The following CTU2 variants were observed in gnomAD, a reference collection of about 807,000 sequenced individuals.
The protein encoded by CTU2 is cytoplasmic tRNA 2-thiolation protein 2.
In CTU2, 80 loss-of-function variants were observed where a neutral mutation model predicts 64.1. The observed-to-expected ratio is 1.25, with a 90% CI of 1.04 to 1.50. CTU2 has a LOEUF of 1.50. Ranked by LOEUF, CTU2 falls within the 40% of genes most tolerant of loss-of-function variation. CTU2 has a pLI of 0.00. For missense variants in CTU2, 1,110 were observed against 690.2 expected, an observed-to-expected ratio of 1.61 and a Z score of -6.81; for synonymous variants, 482 against 285.3, an observed-to-expected ratio of 1.69 and a Z score of -6.95.
intron 1 of CTU2, chr16:88,706,823 C>T (rs1351382834): frequency 7.5e-6 from 4 of 533,810 alleles, no homozygotes; most frequent in African/African-American, 5.8e-5. Flanking sequence ...ACGGCTCTGC[C>T]GCTGACAGTG....
chr16:88,715,113 G>C lies in CTU2; in HGVS notation c.1478+7G>C. 1 of 1,594,086 alleles carries C rather than the reference G, an allele frequency of 6.3e-7. No individual in the cohort carries two copies. The highest frequency in any genetic ancestry group is 8.5e-7 in the Non-Finnish European group (1 of 1,170,318). The stretch of plus-strand genomic sequence containing the variant: ...CCCAGCTCCGCACACAGAGGTACTG[G>C]GGCCCACACTGCCGTGGCGCGTGGG... On this transcript the variant is annotated splice_region_variant and intron_variant, in intron 14 of 14. Transcript: ENST00000453996.
At chr16:88,707,346 G>A in intron 2 of CTU2, 136 bp downstream of exon 2, 2 of 813,870 alleles carry the variant, frequency 2.5e-6, no homozygotes, top group Non-Finnish European at 2.0e-6. Context: ...GGGGTCCCTC[G>A]TGCCCCTGGT....
chr16:88,707,812 G>GTTGTTGT (rs1555549837), intron 2 of CTU2, among the ~76,000 whole-genome samples: 1 of 144,628 alleles, frequency 6.9e-6, no homozygotes, highest in African/African-American at 2.6e-5. Context: ...TGTTGTTGTT[G>GTTGTTGT]TTTTTTTTGA....
chr16:88,714,831 T>C, intron 12 of CTU2, 29 bp from the exon 13 acceptor site: 4 of 1,612,204 alleles, frequency 2.5e-6, no homozygotes, highest in African/African-American at 1.3e-5. Flanking sequence ...GGTGCCAAGG[T>C]GGGCACACAG....
chr16:88,712,564 CTG>C (rs1911418443), intron 6 of CTU2, 56 bp from the exon 7 acceptor site: 2 of 1,574,092 alleles, frequency 1.3e-6, no homozygotes, highest in Non-Finnish European at 1.7e-6. Flanking sequence ...GTGGGGCTGT[CTG>C]TGGGGGGCAC....
In CTU2 at chr16:88,714,579, G is replaced by A. The variant is rs376937218; in HGVS notation, c.1202-8G>A. 16 of 1,612,496 alleles carry A rather than the reference G, an allele frequency of 9.9e-6. No individual in the cohort carries two copies. In the African/African-American group the frequency reaches 1.6e-4, roughly 16 times the overall value. ...CCCCAGGCTCCGTCACCCCCTCTCT[G>A]CTTGCAGACAGTGCCACGGCTTTTG... On this transcript the variant is annotated splice_region_variant and splice_polypyrimidine_tract_variant and intron_variant, in intron 11 of 14. Coordinates refer to ENST00000453996, the MANE Select transcript of CTU2 (RefSeq NM_001012759.3).
chr16:88,713,365 C>G lies in CTU2; in HGVS notation c.791C>G (p.Thr264Ser). Residue 264 changes from threonine to serine, a missense_variant, in exon 8 of 15, where the codon ACT (threonine) becomes AGT (serine). Thr to Ser is a moderately conservative substitution (Grantham distance 58). Transcript: ENST00000453996. ...ARAHGYSKVM[T>S]GDSCTRLAIK... is the part of the protein sequence containing the mutation. ...GCCCACGGCTACTCCAAGGTCATGA[C>G]TGGGGACAGCTGCACACGCTTGGCT... is the stretch of plus-strand genomic sequence containing the variant. 1 of 1,604,848 alleles carries G rather than the reference C, an allele frequency of 6.2e-7. No homozygotes were observed. Among genetic ancestry groups the G allele is most frequent in the Non-Finnish European group, 8.5e-7 (1 of 1,176,822 alleles).
intron 2 of CTU2, among the ~76,000 whole-genome samples, chr16:88,707,441 T>C (rs913482395): frequency 6.6e-6 from 1 of 152,182 alleles, no homozygotes; most frequent in African/African-American, 2.4e-5. Context: ...AGGTTTCTGA[T>C]GGAACTTATG....
intron 9 of CTU2, 41 bp downstream of exon 9, chr16:88,713,819 C>A (rs755434979): frequency 1.2e-6 from 2 of 1,609,624 alleles, no homozygotes; most frequent in Admixed American, 3.3e-5. Flanking sequence ...ACCATTGACA[C>A]CGGGGTGGGC....
At chr16:88,708,609 G>A (rs190936470) in intron 2 of CTU2, among the ~76,000 whole-genome samples, 23 of 152,248 alleles carry the variant, frequency 1.5e-4, no homozygotes, top group Non-Finnish European at 3.2e-4. Context: ...TCCCTCACCT[G>A]GCATCTTGCT....
intron 7 of CTU2, 58 bp downstream of exon 7, chr16:88,712,963 G>C (rs1911474611): frequency 2.1e-6 from 1 of 483,912 alleles, no homozygotes; most frequent in Non-Finnish European, 3.1e-6. Flanking sequence ...GCCCCTGAGA[G>C]CCCCCTTCCC....
At chr16:88,708,416 A>G (rs922847376) in intron 2 of CTU2, among the ~76,000 whole-genome samples, 1 of 151,650 alleles carries the variant, frequency 6.6e-6, no homozygotes, top group African/African-American at 2.4e-5. Context: ...CGCAGCATGT[A>G]CACGTGGACC....
chr16:88,714,712 C>G lies in CTU2; in HGVS notation c.1327C>G (p.Arg443Gly). The G allele has an allele frequency of 1.9e-6, 3 of 1,609,514 alleles. No individual in the cohort carries two copies. The highest frequency in any genetic ancestry group is 3.3e-4 in the Middle Eastern group (2 of 6,052). ...TTCTCCAGGGGTGGGCTGGGCCCAG[C>G]GCTGTGGCCAGGGGGCCTGCAGGAG... Reference protein sequence around the residue: ...CCSPGVGWAQRCGQGACRRED... With the variant: ...CCSPGVGWAQGCGQGACRRED... Residue 443 changes from arginine (R) to glycine (G), a missense_variant, in exon 12 of 15, where the codon CGC (arginine) becomes GGC (glycine). Transcript: ENST00000453996.
intron 4 of CTU2, among the ~76,000 whole-genome samples, 182 bp from the exon 5 acceptor site, chr16:88,711,453 C>T (rs1296348591): frequency 6.6e-6 from 1 of 152,220 alleles, no homozygotes; most frequent in Non-Finnish European, 1.5e-5. Context: ...GGGCGTGCGG[C>T]CTCGCCTACT....
At chr16:88,707,415 C>T (rs540985655) in intron 2 of CTU2, among the ~76,000 whole-genome samples, 1 of 152,292 alleles carries the variant, frequency 6.6e-6, no homozygotes, top group South Asian at 2.1e-4. Flanking sequence ...ATGAGCTAGC[C>T]ACAGATCCCC....
Position 88,715,178 on chromosome 16 carries a change from C to T in CTU2, c.1479-4C>T. ...GCTGGTGCCCACTGCAGCTTTCTCT[C>T]TAGGGCCTGGGGCTTGCAGGAGATC... is the stretch of plus-strand genomic sequence containing the variant. On this transcript the variant is annotated splice_region_variant and splice_polypyrimidine_tract_variant and intron_variant, in intron 14 of 14. Coordinates refer to ENST00000453996, the MANE Select transcript of CTU2 (RefSeq NM_001012759.3). 1.2e-6 allele frequency: 2 copies of T among 1,611,992 alleles called. No homozygotes were observed. Among genetic ancestry groups the T allele is most frequent in the Non-Finnish European group, 1.7e-6 (2 of 1,179,642 alleles).
chr16:88,715,178 C>G lies in CTU2; in HGVS notation c.1479-4C>G, dbSNP rs1443127846. On this transcript the variant is annotated splice_region_variant and splice_polypyrimidine_tract_variant and intron_variant, in intron 14 of 14. Coordinates refer to ENST00000453996, the MANE Select transcript of CTU2 (RefSeq NM_001012759.3). The stretch of plus-strand genomic sequence containing the variant: ...GCTGGTGCCCACTGCAGCTTTCTCT[C>G]TAGGGCCTGGGGCTTGCAGGAGATC... 2 of 1,611,874 alleles carry G rather than the reference C, an allele frequency of 1.2e-6. No homozygotes were observed. The highest frequency in any genetic ancestry group is 2.7e-5 in the African/African-American group (2 of 74,878).
At chr16:88,712,196 C>A in intron 5 of CTU2, 78 bp from the exon 6 acceptor site, 1 of 1,272,442 alleles carries the variant, frequency 7.9e-7, no homozygotes, top group Non-Finnish European at 1.1e-6. Flanking sequence ...GAAGGGTTTT[C>A]CCAGGTGGAG....
At chr16:88,706,996 G>A in intron 1 of CTU2, 140 bp from the exon 2 acceptor site, 1 of 768,138 alleles carries the variant, frequency 1.3e-6, no homozygotes, top group Non-Finnish European at 2.2e-6. Flanking sequence ...CAGAACACAA[G>A]CCTGGGTTTG....
Sources: gnomAD v4.1 joint callset for allele counts (sites outside exome capture counted in the v4.1 genomes callset) on GRCh38, gnomAD v4.1.1 for gene constraint, MANE v1.5 for transcripts, NCBI Gene and HGNC (gene_info 2026-07-23, HGNC 2026-07-21) for gene names.